MGAT4C: variants seen among roughly 807,000 people sequenced by gnomAD.
The protein encoded by MGAT4C is MGAT4 family member C, also known as alpha-1,3-mannosyl-glycoprotein 4-beta-N-acetylglucosaminyltransferase C.
MGAT4C carries 19 observed loss-of-function variants against 40.1 expected under a neutral mutation model. The ratio of observed to expected loss-of-function variants is 0.47; its 90% CI spans 0.33 to 0.70. MGAT4C has a LOEUF of 0.70. Ranked by LOEUF, MGAT4C falls within the 30% of genes least tolerant of loss-of-function variation. The probability of loss-of-function intolerance (pLI) is 0.02; values close to 1 mark genes in which losing one functional copy is unlikely to be tolerated. For missense variants in MGAT4C, 491 were observed against 563.2 expected (o/e 0.87, Z 1.30); for synonymous variants, 181 against 187.1 (o/e 0.97, Z 0.27).
chr12:86,345,738 G>A (rs1033235895), intron 3 of MGAT4C, among the ~76,000 whole-genome samples: 1 of 152,164 alleles, frequency 6.6e-6, no homozygotes, highest in African/African-American at 2.4e-5. Flanking sequence ...CTTTATAACA[G>A]CATGATTTAT....
intron 2 of MGAT4C, among the ~76,000 whole-genome samples, chr12:86,611,018 C>T (rs1393901546): frequency 2.0e-5 from 3 of 151,616 alleles, no homozygotes; most frequent in Non-Finnish European, 4.4e-5. Flanking sequence ...TCGCTGTGCT[C>T]AGTCATAGGC....
chr12:86,558,529 T>A (rs1303263391), intron 2 of MGAT4C, among the ~76,000 whole-genome samples: 1 of 152,080 alleles, frequency 6.6e-6, no homozygotes, highest in Non-Finnish European at 1.5e-5. Flanking sequence ...CAGCCAAGCA[T>A]ATTTTACATA....
intron 1 of MGAT4C, among the ~76,000 whole-genome samples, chr12:86,243,365 C>T (rs1372134712): frequency 6.6e-6 from 1 of 152,144 alleles, no homozygotes; most frequent in Non-Finnish European, 1.5e-5. Context: ...GTGATTGTTC[C>T]CTGTGGTAGA....
At chr12:86,587,252 C>A (rs956406285) in intron 2 of MGAT4C, among the ~76,000 whole-genome samples, 13 of 151,938 alleles carry the variant, frequency 8.6e-5, no homozygotes, top group Admixed American at 1.3e-4. Flanking sequence ...TGTCAAAGAT[C>A]AGATAGTTGT....
intron 2 of MGAT4C, among the ~76,000 whole-genome samples, chr12:85,992,578 G>A (rs1045687365): frequency 6.6e-6 from 1 of 152,208 alleles, no homozygotes; most frequent in African/African-American, 2.4e-5. Context: ...ATATTACTGG[G>A]AAGAATGTGG....
At chr12:86,838,590 G>C (rs1439305465) in intron 1 of MGAT4C, 2 of 152,138 alleles carry the variant, frequency 1.3e-5, no homozygotes, top group Non-Finnish European at 2.9e-5. Flanking sequence ...TCTTTTTACA[G>C]GTTTGGATCC....
intron 3 of MGAT4C, among the ~76,000 whole-genome samples, chr12:86,391,842 G>C (rs1223857731): frequency 6.6e-6 from 1 of 151,980 alleles, no homozygotes; most frequent in East Asian, 2.0e-4. Context: ...CCTGGGGACA[G>C]AGTGAGAATC....
intron 2 of MGAT4C, among the ~76,000 whole-genome samples, chr12:86,681,692 T>C (rs539310258): frequency 4.6e-5 from 7 of 152,170 alleles, no homozygotes; most frequent in African/African-American, 1.7e-4. Flanking sequence ...GCTACTGGTA[T>C]TGGAGTTATA....
chr12:86,661,678 G>T (rs1187383301), intron 2 of MGAT4C, among the ~76,000 whole-genome samples: 1 of 152,152 alleles, frequency 6.6e-6, no homozygotes, highest in African/African-American at 2.4e-5. Flanking sequence ...TGGGCATGAT[G>T]CTCATGTCTG....
At chr12:86,341,593 A>T (rs1287853725) in intron 3 of MGAT4C, among the ~76,000 whole-genome samples, 1 of 152,194 alleles carries the variant, frequency 6.6e-6, no homozygotes, top group Non-Finnish European at 1.5e-5. Context: ...CAGTAGCAGC[A>T]CTGCACTCCC....
intron 4 of MGAT4C, among the ~76,000 whole-genome samples, chr12:86,274,612 C>T (rs1255862299): frequency 6.6e-6 from 1 of 152,106 alleles, no homozygotes; most frequent in African/African-American, 2.4e-5. Flanking sequence ...CCAAGAACTC[C>T]TGGGCAGATT....
chr12:86,552,042 AC>A (rs1460520389), intron 2 of MGAT4C, among the ~76,000 whole-genome samples: 7 of 150,074 alleles, frequency 4.7e-5, no homozygotes, highest in Admixed American at 4.0e-4. Flanking sequence ...AAAAAAAAAA[AC>A]CAAAAAACAG....
intron 1 of MGAT4C, among the ~76,000 whole-genome samples, chr12:86,832,601 T>C (rs61949615): frequency 0.091 from 13,787 of 151,902 alleles, 810 homozygotes; most frequent in Middle Eastern, 0.25. Flanking sequence ...TCTTTTTCAC[T>C]TACAGTGCTA....
chr12:86,307,859 C>T (rs1953977945), intron 4 of MGAT4C, among the ~76,000 whole-genome samples: 2 of 150,056 alleles, frequency 1.3e-5, no homozygotes, highest in South Asian at 2.1e-4. Flanking sequence ...CCCGCCACTA[C>T]GTCCGGCTAA....
In MGAT4C at chr12:85,959,187, CAT is replaced by C. The variant is rs1401512518; in HGVS notation, c.*20100_*20101del. The C allele has an allele frequency of 6.6e-6, 1 of 152,008 alleles. No individual in the cohort carries two copies. Among genetic ancestry groups the C allele is most frequent in the Non-Finnish European group, 1.5e-5 (1 of 67,962 alleles). 9.4% of individuals were successfully genotyped at this position (152,008 alleles called of 1,614,324 possible). A position where few individuals can be genotyped will look rare whatever the true frequency, so the allele number is the denominator to read the frequency against. ...TTCCATAACTGTTTAATAATAATCA[CAT>C]GTTTTATACCCATTGCTTTGAAGAA... On this transcript the variant is annotated 3_prime_UTR_variant, in exon 5 of 5. Transcript: ENST00000611864.
At chr12:86,536,828 G>C (rs527551537) in intron 2 of MGAT4C, among the ~76,000 whole-genome samples, 6 of 152,166 alleles carry the variant, frequency 3.9e-5, no homozygotes, top group Non-Finnish European at 7.4e-5. Flanking sequence ...CAGGGATCTA[G>C]AACTAGAAAT....
At chr12:86,241,436 C>T (rs910975918) in intron 1 of MGAT4C, among the ~76,000 whole-genome samples, 19 of 152,146 alleles carry the variant, frequency 1.2e-4, no homozygotes, top group Non-Finnish European at 2.6e-4. Flanking sequence ...CATCTCTTTT[C>T]CCCTAATTAC....
rs1029702259 is a variant in MGAT4C, at chr12:86,030,008, C to G, written c.-7+19666G>C. 2.0e-5 allele frequency among the ~76,000 whole-genome samples: 3 copies of G among 151,684 alleles called. No homozygotes were observed. The Admixed American group carries it at 2.0e-4, about 10-fold the overall frequency. On this transcript the variant is annotated intron_variant, in intron 2 of 4. Coordinates refer to ENST00000611864, the MANE Select transcript of MGAT4C (RefSeq NM_001351288.2). The stretch of plus-strand genomic sequence containing the variant: ...CTATTAAAAAGAGCACATTAAAAAT[C>G]AAGTAAAAATTACATCAAACACATT...
At chr12:86,004,665 A>G (rs897838000) in intron 2 of MGAT4C, among the ~76,000 whole-genome samples, 8 of 152,178 alleles carry the variant, frequency 5.3e-5, no homozygotes, top group Non-Finnish European at 1.2e-4. Flanking sequence ...ATGGACAATA[A>G]TGAAGTGAAG....
Sources: gnomAD v4.1 joint callset for allele counts (sites outside exome capture counted in the v4.1 genomes callset) on GRCh38, gnomAD v4.1.1 for gene constraint, MANE v1.5 for transcripts, NCBI Gene and HGNC (gene_info 2026-07-23, HGNC 2026-07-21) for gene names.